SDK1: variants seen among roughly 807,000 people sequenced by gnomAD.
SDK1 encodes the protein protein sidekick-1.
In SDK1, 157 loss-of-function variants were observed where a neutral mutation model predicts 245.5. The ratio of observed to expected loss-of-function variants is 0.64; its 90% CI spans 0.56 to 0.73. The LOEUF (loss-of-function observed/expected upper bound fraction) is 0.73, where lower values mean the gene tolerates loss of function less well. Ranked by LOEUF, SDK1 falls within the 30% of genes least tolerant of loss-of-function variation. The pLI, the probability that SDK1 is intolerant of heterozygous loss-of-function variation, is 0.00. For synonymous variants in SDK1, 1,647 were observed against 1,278.5 expected (o/e 1.29, Z -6.15); for missense variants, 3,583 against 3,002.3 (o/e 1.19, Z -4.52).
intron 40 of SDK1, among the ~76,000 whole-genome samples, chr7:4,232,370 TTTTTTCC>T (rs1436856501): frequency 3.3e-5 from 5 of 149,532 alleles, no homozygotes; most frequent in African/African-American, 1.2e-4. Context: ...CTTTCTTTTT[TTTTTTCC>T]TTTTTTCTTT....
chr7:3,884,940 G>A (rs1179636848), intron 5 of SDK1, among the ~76,000 whole-genome samples: 1 of 152,166 alleles, frequency 6.6e-6, no homozygotes, highest in Non-Finnish European at 1.5e-5. Flanking sequence ...CGCCATAAGC[G>A]CTGTCACTCC....
intron 1 of SDK1, among the ~76,000 whole-genome samples, chr7:3,582,615 G>C (rs1562580093): frequency 7.4e-6 from 1 of 135,184 alleles, no homozygotes; most frequent in African/African-American, 2.8e-5. Flanking sequence ...AGTAATCTAT[G>C]TAATGAACCC....
chr7:3,884,090 T>G (rs560524757), intron 5 of SDK1, among the ~76,000 whole-genome samples: 344 of 101,570 alleles, frequency 3.4e-3, no homozygotes, highest in African/African-American at 4.6e-3. Context: ...TTTGTTTTTT[T>G]TTTTTTTTGA....
chr7:3,302,801 T>G (rs77693013), intron 1 of SDK1, among the ~76,000 whole-genome samples: 11,186 of 152,222 alleles, frequency 0.073, 486 homozygotes, highest in African/African-American at 0.12. Flanking sequence ...TTTAGGAAAA[T>G]TAACTTAGTT....
chr7:3,639,116 T>C lies in SDK1; in HGVS notation c.565+6T>C, dbSNP rs1423450528. On this transcript the variant is annotated splice_donor_region_variant and intron_variant, in intron 3 of 44. Transcript: ENST00000404826. ...ATCAGAAGTTCAAGTCGCATGTATG[T>C]GTACAGTAAGGAGATGTCCAAATGT... The C allele has an allele frequency of 6.5e-7, 1 of 1,542,504 alleles. No homozygotes were observed. The highest frequency in any genetic ancestry group is 8.9e-7 in the Non-Finnish European group (1 of 1,123,322).
At chr7:3,341,718 A>T (rs1040419868) in intron 1 of SDK1, among the ~76,000 whole-genome samples, 2 of 152,256 alleles carry the variant, frequency 1.3e-5, no homozygotes, top group African/African-American at 4.8e-5. Context: ...TGTGAAAAAG[A>T]TACAAACTTC....
At chr7:3,774,095 G>A (rs1780482953) in intron 4 of SDK1, among the ~76,000 whole-genome samples, 1 of 151,766 alleles carries the variant, frequency 6.6e-6, no homozygotes, top group South Asian at 2.1e-4. Context: ...GGTGCCTGTA[G>A]TCCTAGTTAC....
At chr7:3,508,597 G>A (rs1483357524) in intron 1 of SDK1, among the ~76,000 whole-genome samples, 3 of 151,968 alleles carry the variant, frequency 2.0e-5, no homozygotes, top group African/African-American at 7.3e-5. Flanking sequence ...CAAAGTGTTG[G>A]GATTACAGGT....
intron 4 of SDK1, among the ~76,000 whole-genome samples, chr7:3,783,902 A>G (rs11772118): frequency 0.13 from 19,544 of 152,176 alleles, 1,613 homozygotes; most frequent in Middle Eastern, 0.26. Flanking sequence ...CAAGGCAATC[A>G]TGAGCAAAAG....
Position 4,175,646 on chromosome 7 carries a change from G to A in SDK1, c.4937-129G>A, listed in dbSNP as rs553777857. ...GCGGTAGCGGGGTCTTTATTGCCCC[G>A]GGAGGCGCAGCGTGGGAAGTGGCTG... is the stretch of plus-strand genomic sequence containing the variant. On this transcript the variant is annotated intron_variant, in intron 33 of 44. Coordinates refer to ENST00000404826, the MANE Select transcript of SDK1 (RefSeq NM_152744.4). 1,341 of 792,086 alleles carry A rather than the reference G, an allele frequency of 1.7e-3. 2 individuals are homozygous for A. Among genetic ancestry groups the A allele is most frequent in the Non-Finnish European group, 2.6e-3 (1,147 of 448,068 alleles). 49.1% of individuals were successfully genotyped at this position (792,086 alleles called of 1,614,324 possible). A position where few individuals can be genotyped will look rare whatever the true frequency, so the allele number is the denominator to read the frequency against.
At chr7:3,831,276 G>A (rs190626977) in intron 5 of SDK1, among the ~76,000 whole-genome samples, 7 of 152,162 alleles carry the variant, frequency 4.6e-5, no homozygotes, top group African/African-American at 7.2e-5. Context: ...TGAATACAGC[G>A]ATGATTCTGG....
At chr7:3,756,025 G>A (rs1160329397) in intron 4 of SDK1, among the ~76,000 whole-genome samples, 6 of 150,732 alleles carry the variant, frequency 4.0e-5, no homozygotes, top group Non-Finnish European at 7.4e-5. Flanking sequence ...CCTTTCACAT[G>A]GCATAGCACA....
At chr7:3,675,531 C>T (rs538451137) in intron 4 of SDK1, among the ~76,000 whole-genome samples, 7 of 150,520 alleles carry the variant, frequency 4.7e-5, no homozygotes, top group Non-Finnish European at 7.4e-5. Flanking sequence ...ATATGCTCCC[C>T]ATTACCTTTC....
chr7:4,113,000 G>A (rs545297174), intron 23 of SDK1, among the ~76,000 whole-genome samples: 48 of 152,048 alleles, frequency 3.2e-4, no homozygotes, highest in African/African-American at 8.9e-4. Flanking sequence ...GTGATCCCCC[G>A]CTGCCTCCTG....
At chr7:3,684,957 G>T (rs1166345612) in intron 4 of SDK1, among the ~76,000 whole-genome samples, 1 of 152,124 alleles carries the variant, frequency 6.6e-6, no homozygotes, top group Admixed American at 6.5e-5. Flanking sequence ...AGAAAAAATA[G>T]ATTGGACACA....
intron 33 of SDK1, 52 bp from the exon 34 acceptor site, chr7:4,175,723 A>C: frequency 6.8e-7 from 1 of 1,469,978 alleles, no homozygotes; most frequent in Non-Finnish European, 9.5e-7. Context: ...ATCACCTGCG[A>C]TGGCCGTGTC....
intron 4 of SDK1, among the ~76,000 whole-genome samples, chr7:3,757,022 A>C (rs780034941): frequency 6.6e-6 from 1 of 151,924 alleles, no homozygotes; most frequent in Non-Finnish European, 1.5e-5. Context: ...TCACCAGCTG[A>C]ATATGTGGTG....
chr7:4,003,257 G>T (rs1468181127), intron 14 of SDK1, among the ~76,000 whole-genome samples: 1 of 152,194 alleles, frequency 6.6e-6, no homozygotes, highest in African/African-American at 2.4e-5. Flanking sequence ...TCCCCTGCCT[G>T]CTCCAGACCA....
chr7:3,538,027 C>A (rs559258689), intron 1 of SDK1, among the ~76,000 whole-genome samples: 4 of 152,160 alleles, frequency 2.6e-5, no homozygotes, highest in Admixed American at 2.0e-4. Context: ...TTTTTTCCTG[C>A]CTTTCGTGGA....
Sources: gnomAD v4.1 joint callset for allele counts (sites outside exome capture counted in the v4.1 genomes callset) on GRCh38, gnomAD v4.1.1 for gene constraint, MANE v1.5 for transcripts, NCBI Gene and HGNC (gene_info 2026-07-23, HGNC 2026-07-21) for gene names.